PRKG1: variants seen among roughly 807,000 people sequenced by gnomAD.
PRKG1 encodes the protein protein kinase cGMP-dependent 1, also known as cGMP-dependent protein kinase 1.
In PRKG1, 35 loss-of-function variants were observed where a neutral mutation model predicts 88.1. That is an observed-to-expected ratio of 0.40 (90% CI 0.30 to 0.53). The LOEUF is 0.53. Among genes scored for constraint, PRKG1 ranks in the 20% least tolerant of loss-of-function variants. The pLI, the probability that PRKG1 is intolerant of heterozygous loss-of-function variation, is 0.59. For missense variants in PRKG1, 540 were observed against 839.8 expected, an observed-to-expected ratio of 0.64 and a Z score of 4.41; for synonymous variants, 303 against 292.5, an observed-to-expected ratio of 1.04 and a Z score of -0.37.
chr10:52,144,732 G>T (rs994073394), intron 8 of PRKG1, among the ~76,000 whole-genome samples: 3 of 66,936 alleles, frequency 4.5e-5, no homozygotes, highest in Non-Finnish European at 1.2e-4. Context: ...CAGGAGAATT[G>T]CTTGAACCCA....
chr10:51,369,790 A>AT, intron 2 of PRKG1, among the ~76,000 whole-genome samples: 1 of 152,138 alleles, frequency 6.6e-6, no homozygotes, highest in African/African-American at 2.4e-5. Context: ...CTTTAGGACC[A>AT]TGTGTCCCCT....
chr10:51,295,749 A>T (rs550990567), intron 2 of PRKG1, among the ~76,000 whole-genome samples: 1 of 152,220 alleles, frequency 6.6e-6, no homozygotes, highest in East Asian at 1.9e-4. Flanking sequence ...TCCATATCTT[A>T]TACCAGAAAT....
At chr10:51,580,058 C>T (rs966410572) in intron 3 of PRKG1, among the ~76,000 whole-genome samples, 2 of 152,050 alleles carry the variant, frequency 1.3e-5, no homozygotes, top group African/African-American at 2.4e-5. Flanking sequence ...TCCACATTCT[C>T]ATATTTTTAC....
At chr10:51,472,991 G>A (rs1840089924) in intron 3 of PRKG1, among the ~76,000 whole-genome samples, 1 of 151,950 alleles carries the variant, frequency 6.6e-6, no homozygotes, top group African/African-American at 2.4e-5. Flanking sequence ...CCTGGTTGTG[G>A]AAGGGATAGT....
intron 5 of PRKG1, among the ~76,000 whole-genome samples, chr10:51,953,715 G>T (rs143107264): frequency 6.6e-6 from 1 of 151,986 alleles, no homozygotes; most frequent in Non-Finnish European, 1.5e-5. Context: ...TTGTGTGTGC[G>T]GTTTTGTTTT....
At chr10:51,655,038 G>A (rs1262661400) in intron 3 of PRKG1, among the ~76,000 whole-genome samples, 1 of 152,162 alleles carries the variant, frequency 6.6e-6, no homozygotes, top group Non-Finnish European at 1.5e-5. Flanking sequence ...CTCTATACAA[G>A]TGTGTAAATC....
intron 3 of PRKG1, among the ~76,000 whole-genome samples, chr10:51,657,480 T>C (rs1840190384): frequency 6.6e-6 from 1 of 152,134 alleles, no homozygotes; most frequent in Admixed American, 6.6e-5. Context: ...AAAGTCAGAT[T>C]TGCAATCTCT....
chr10:51,910,970 A>C (rs936003015), intron 5 of PRKG1: 1 of 152,212 alleles, frequency 6.6e-6, no homozygotes, highest in Non-Finnish European at 1.5e-5. Context: ...GGTACTGACT[A>C]TACCAGTAAT....
intron 3 of PRKG1, among the ~76,000 whole-genome samples, chr10:51,523,644 G>C (rs1275210832): frequency 1.3e-5 from 2 of 152,176 alleles, no homozygotes; most frequent in Middle Eastern, 3.4e-3. Context: ...GCCCCTAGAG[G>C]CTCTGTCTCT....
At chr10:52,226,257 G>T (rs1302243656) in intron 9 of PRKG1, among the ~76,000 whole-genome samples, 1 of 151,948 alleles carries the variant, frequency 6.6e-6, no homozygotes, top group Non-Finnish European at 1.5e-5. Context: ...ATTTTACCTT[G>T]TCTTAGTTGG....
At chr10:51,554,996 C>T (rs111739783) in intron 3 of PRKG1, among the ~76,000 whole-genome samples, 38 of 151,946 alleles carry the variant, frequency 2.5e-4, no homozygotes, top group African/African-American at 9.2e-4. Context: ...TAAACATGCT[C>T]TTTATGCAGC....
At chr10:52,172,017 T>C (rs191327417) in intron 9 of PRKG1, among the ~76,000 whole-genome samples, 1,769 of 151,196 alleles carry the variant, frequency 0.012, 20 homozygotes, top group Middle Eastern at 0.038. Flanking sequence ...TTAGCCAGGA[T>C]GGTCTCGATC....
chr10:51,469,345 A>G (rs1452357814), intron 3 of PRKG1, among the ~76,000 whole-genome samples: 4 of 151,842 alleles, frequency 2.6e-5, no homozygotes, highest in African/African-American at 4.8e-5. Flanking sequence ...AGGCTTGTAC[A>G]CTGCTTGATA....
intron 2 of PRKG1, among the ~76,000 whole-genome samples, chr10:51,397,579 T>G (rs538130952): frequency 1.3e-5 from 2 of 152,270 alleles, no homozygotes; most frequent in Non-Finnish European, 2.9e-5. Context: ...TACTCAAGGT[T>G]TTTTCTGACC....
At chr10:52,274,205 G>A (rs948111643) in intron 12 of PRKG1, among the ~76,000 whole-genome samples, 2 of 152,188 alleles carry the variant, frequency 1.3e-5, no homozygotes, top group Non-Finnish European at 2.9e-5. Flanking sequence ...TGATTTGTGA[G>A]ATTTTGGTGT....
Position 50,992,198 on chromosome 10 carries a change from A to G in PRKG1, c.266+554A>G, listed in dbSNP as rs533474920. On this transcript the variant is annotated intron_variant, in intron 1 of 17. Transcript: ENST00000401604. ...CCGAGCTCTGCTGGCGGATGCGGGG[A>G]CAGGGAGAGGCGGGACAGGGGCTTG... Among the ~76,000 whole-genome samples the G allele has an allele frequency of 1.8e-3, 272 of 151,770 alleles. 1 individual carries two copies. Among genetic ancestry groups the G allele is most frequent in the African/African-American group, 6.4e-3 (265 of 41,358 alleles).
chr10:51,525,483 G>A (rs1287059031), intron 3 of PRKG1, among the ~76,000 whole-genome samples: 1 of 152,114 alleles, frequency 6.6e-6, no homozygotes, highest in African/African-American at 2.4e-5. Flanking sequence ...CAGATCACGA[G>A]GTCAGGAAAT....
At chr10:51,689,794 G>A (rs10998922) in intron 3 of PRKG1, among the ~76,000 whole-genome samples, 32,538 of 151,882 alleles carry the variant, frequency 0.21, 4,492 homozygotes, top group Middle Eastern at 0.4. Context: ...TGGGTGATGA[G>A]CAAGAGAAAC....
chr10:51,531,798 C>A (rs1842024353), intron 3 of PRKG1, among the ~76,000 whole-genome samples: 1 of 151,790 alleles, frequency 6.6e-6, no homozygotes, highest in South Asian at 2.1e-4. Flanking sequence ...GCTCCCGACA[C>A]TGTGCCCGGC....
Sources: allele counts gnomAD v4.1 joint callset (sites outside exome capture counted in the v4.1 genomes callset), GRCh38; gene constraint gnomAD v4.1.1; transcripts MANE v1.5; gene names NCBI Gene and HGNC (gene_info 2026-07-23, HGNC 2026-07-21).